GALNT18: variants seen among roughly 807,000 people sequenced by gnomAD.
The protein encoded by GALNT18 is polypeptide N-acetylgalactosaminyltransferase 18.
A neutral mutation model predicts 69.5 loss-of-function variants in GALNT18; 44 were observed. The observed-to-expected ratio is 0.63, with a 90% CI of 0.50 to 0.81. The LOEUF (loss-of-function observed/expected upper bound fraction) is 0.81, where lower values mean the gene tolerates loss of function less well. Among genes scored for constraint, GALNT18 ranks in the 40% least tolerant of loss-of-function variants. GALNT18 has a pLI of 0.00. For synonymous variants in GALNT18, 364 were observed against 318.2 expected, an observed-to-expected ratio of 1.14 and a Z score of -1.53; for missense variants, 715 against 810.0, an observed-to-expected ratio of 0.88 and a Z score of 1.42.
intron 3 of GALNT18, among the ~76,000 whole-genome samples, chr11:11,397,252 C>A (rs762674223): frequency 1.3e-5 from 2 of 152,144 alleles, no homozygotes; most frequent in Non-Finnish European, 1.5e-5. Flanking sequence ...TGTCTTTTCA[C>A]AGTGCCTGCT....
At chr11:11,524,386 A>G (rs1230467620) in intron 1 of GALNT18, among the ~76,000 whole-genome samples, 1 of 152,180 alleles carries the variant, frequency 6.6e-6, no homozygotes, top group Non-Finnish European at 1.5e-5. Flanking sequence ...GTTATTTATT[A>G]CCATTGCCTT....
At chr11:11,457,305 G>A (rs539467891) in intron 1 of GALNT18, among the ~76,000 whole-genome samples, 17 of 152,334 alleles carry the variant, frequency 1.1e-4, no homozygotes, top group Admixed American at 5.9e-4. Flanking sequence ...TCTAGGACCA[G>A]ATCCCTGCAG....
chr11:11,300,613 G>A (rs981566100), intron 9 of GALNT18, among the ~76,000 whole-genome samples: 5 of 152,180 alleles, frequency 3.3e-5, no homozygotes, highest in Non-Finnish European at 5.9e-5. Flanking sequence ...TGGGGTGATT[G>A]CAAACTTTTA....
chr11:11,529,377 T>G (rs1457930296), intron 1 of GALNT18, among the ~76,000 whole-genome samples: 2 of 152,312 alleles, frequency 1.3e-5, no homozygotes, highest in East Asian at 3.9e-4. Context: ...GAACCCCTCC[T>G]ACCTGACTGT....
At chr11:11,272,153 C>G (rs1848841047) in intron 10 of GALNT18, among the ~76,000 whole-genome samples, 1 of 152,186 alleles carries the variant, frequency 6.6e-6, no homozygotes, top group African/African-American at 2.4e-5. Context: ...TATGGTCAAA[C>G]TCACTTTTTC....
At chr11:11,289,606 A>C (rs978894990) in intron 10 of GALNT18, among the ~76,000 whole-genome samples, 26 of 152,188 alleles carry the variant, frequency 1.7e-4, no homozygotes, top group African/African-American at 5.8e-4. Context: ...GCCAGGATGG[A>C]CAGACAAGAT....
At chr11:11,510,921 A>G (rs1207339896) in intron 1 of GALNT18, among the ~76,000 whole-genome samples, 1 of 151,916 alleles carries the variant, frequency 6.6e-6, no homozygotes, top group African/African-American at 2.4e-5. Context: ...GGCCTTCCTG[A>G]CCCAGACTTC....
At chr11:11,381,274 C>G (rs1424847675) in intron 3 of GALNT18, among the ~76,000 whole-genome samples, 1 of 152,186 alleles carries the variant, frequency 6.6e-6, no homozygotes, top group Non-Finnish European at 1.5e-5. Context: ...CTCATAAAGT[C>G]TGATATCTGG....
chr11:11,367,050 C>T (rs1228610991), intron 6 of GALNT18, among the ~76,000 whole-genome samples: 1 of 152,186 alleles, frequency 6.6e-6, no homozygotes, highest in East Asian at 1.9e-4. Flanking sequence ...ATCCTTGGTG[C>T]TCCCAAGGTC....
rs1331298867 is a variant in GALNT18 at position 11,564,589 on chromosome 11, G to GT, written c.235+56769dup. On this transcript the variant is annotated intron_variant, in intron 1 of 10. Transcript: ENST00000227756. This position sits in a 1 kb window ranked among gnomAD's most constrained non-coding sequence, Gnocchi z 4.3. Reference sequence around the variant, plus strand: ...AAAACTGTCAGAGCTCATCAGCACGGTGGCAATGCAGGCAGCCCCCAATTC... The same window carrying GT: ...AAAACTGTCAGAGCTCATCAGCACGGTTGGCAATGCAGGCAGCCCCCAATTC... Among the ~76,000 whole-genome samples, 1 of 152,202 alleles carries GT rather than the reference G, an allele frequency of 6.6e-6. No homozygotes were observed. The highest frequency in any genetic ancestry group is 2.4e-5 in the African/African-American group (1 of 41,440).
At position 11,372,697 on chromosome 11, in the gene GALNT18, C is replaced by T. The variant is rs1379710621; in HGVS notation, c.978-68G>A. ...GTCCGAGGAGTAAGAGCAGTAAGGC[C>T]TTCCTATCAGGAGGGTCTGGTTCTC... On this transcript the variant is annotated intron_variant, in intron 5 of 10. Transcript: ENST00000227756. This position sits in a 1 kb window ranked among gnomAD's most constrained non-coding sequence, Gnocchi z 4.9. 1.5e-5 allele frequency: 18 copies of T among 1,217,102 alleles called. No individual in the cohort carries two copies. Among genetic ancestry groups the T allele is most frequent in the African/African-American group, 6.0e-5 (4 of 67,226 alleles). The allele number at this position is 1,217,102 out of a possible 1,614,324, so 75.4% of individuals were successfully genotyped here. A position where few individuals can be genotyped will look rare whatever the true frequency, so the allele number is the denominator to read the frequency against.
chr11:11,563,047 G>T lies in GALNT18; in HGVS notation c.235+58312C>A, dbSNP rs2133985902. ...TGGTCCTGACGTTTTGTGCTTCATG[G>T]CTTCCCTATATACTTCCACCCCCAC... On this transcript the variant is annotated intron_variant, in intron 1 of 10. Transcript: ENST00000227756. This position sits in a 1 kb window ranked among gnomAD's most constrained non-coding sequence, Gnocchi z 4.6. Among the ~76,000 whole-genome samples, 1 of 152,184 alleles carries T rather than the reference G, an allele frequency of 6.6e-6. No homozygotes were observed. Among genetic ancestry groups the T allele is most frequent in the South Asian group, 2.1e-4 (1 of 4,816 alleles).
At chr11:11,452,019 G>C (rs1298379884) in intron 1 of GALNT18, among the ~76,000 whole-genome samples, 1 of 152,146 alleles carries the variant, frequency 6.6e-6, no homozygotes, top group Non-Finnish European at 1.5e-5. Flanking sequence ...GCAGAGTTGA[G>C]TATGTATGAC....
intron 1 of GALNT18, among the ~76,000 whole-genome samples, chr11:11,503,934 G>T (rs1252842077): frequency 6.6e-6 from 1 of 152,038 alleles, no homozygotes; most frequent in Non-Finnish European, 1.5e-5. Flanking sequence ...CTCAACCAAG[G>T]GTAACCATGA....
intron 1 of GALNT18, among the ~76,000 whole-genome samples, chr11:11,607,074 G>A (rs945562811): frequency 2.0e-5 from 3 of 152,180 alleles, no homozygotes; most frequent in African/African-American, 7.2e-5. Flanking sequence ...ACTGAGCTGC[G>A]CAACACAATA....
chr11:11,442,949 C>T (rs1590006248), intron 2 of GALNT18, among the ~76,000 whole-genome samples: 1 of 152,114 alleles, frequency 6.6e-6, no homozygotes, highest in Non-Finnish European at 1.5e-5. Flanking sequence ...GCAGTGCGTG[C>T]CAGAGGCTCT....
At chr11:11,289,033 C>T (rs1016509226) in intron 10 of GALNT18, among the ~76,000 whole-genome samples, 4 of 152,120 alleles carry the variant, frequency 2.6e-5, no homozygotes, top group South Asian at 2.1e-4. Context: ...AGTACCAGAA[C>T]GTTCTAGTTG....
chr11:11,480,014 C>T lies in GALNT18; in HGVS notation c.236-31078G>A, dbSNP rs566813889. Among the ~76,000 whole-genome samples, 8 of 152,274 alleles carry T rather than the reference C, an allele frequency of 5.3e-5. No individual in the cohort carries two copies. In the South Asian group the frequency reaches 1.7e-3, roughly 32 times the overall value. On this transcript the variant is annotated intron_variant, in intron 1 of 10. Transcript: ENST00000227756. This position sits in a 1 kb window ranked among gnomAD's most constrained non-coding sequence, Gnocchi z 4.6. ...GGAGCAAGGCTGCTACCCCAAGCCC[C>T]ACCAGGAGGCTAGAGAAGAGAGATG...
chr11:11,337,987 A>G lies in GALNT18; in HGVS notation c.1278+2832T>C, dbSNP rs1487598741. Reference sequence around the variant, plus strand: ...TTTTTTTTTTTTTTTTTTTTTTGAGACAGTCTCGCTCTGTCACCCAGGCTG... The same window carrying G: ...TTTTTTTTTTTTTTTTTTTTTTGAGGCAGTCTCGCTCTGTCACCCAGGCTG... On this transcript the variant is annotated intron_variant, in intron 7 of 10. Transcript: ENST00000227756. The surrounding 1 kb of genome is among the most constrained non-coding windows in gnomAD (Gnocchi z 4.9). Among the ~76,000 whole-genome samples, 2 of 128,914 alleles carry G rather than the reference A, an allele frequency of 1.6e-5. No individual in the cohort carries two copies. The highest frequency in any genetic ancestry group is 3.1e-5 in the Non-Finnish European group (2 of 63,922). 84.6% of individuals were successfully genotyped at this position (128,914 alleles called of 152,430 possible).
Sources: allele counts gnomAD v4.1 joint callset (sites outside exome capture counted in the v4.1 genomes callset), GRCh38; gene constraint gnomAD v4.1.1; non-coding constraint Gnocchi (gnomAD v3.1); transcripts MANE v1.5; gene names NCBI Gene and HGNC (gene_info 2026-07-23, HGNC 2026-07-21).